ESCO1: variants seen among roughly 807,000 people sequenced by gnomAD.
ESCO1 encodes the protein establishment of sister chromatid cohesion N-acetyltransferase 1.
A neutral mutation model predicts 83.5 loss-of-function variants in ESCO1; 33 were observed. That is an observed-to-expected ratio of 0.40 (90% CI 0.30 to 0.53). ESCO1 has a LOEUF of 0.53. Ranked by LOEUF, ESCO1 falls within the 20% of genes least tolerant of loss-of-function variation. The pLI, the probability that ESCO1 is intolerant of heterozygous loss-of-function variation, is 0.63. For synonymous variants in ESCO1, 332 were observed against 324.3 expected, an observed-to-expected ratio of 1.02 and a Z score of -0.25; for missense variants, 855 against 968.0, an observed-to-expected ratio of 0.88 and a Z score of 1.55.
At chr18:21,568,181 T>A in intron 4 of ESCO1, 87 bp from the exon 5 acceptor site, 1 of 950,260 alleles carries the variant, frequency 1.1e-6, no homozygotes, top group Non-Finnish European at 1.6e-6. Context: ...CTAAAAAAAT[T>A]TAACATACTT....
chr18:21,546,388 C>A (rs987835679), intron 8 of ESCO1, among the ~76,000 whole-genome samples: 14 of 129,842 alleles, frequency 1.1e-4, no homozygotes, highest in African/African-American at 3.5e-4. Flanking sequence ...CCTGCCTCCA[C>A]CAAAAACAAA....
At chr18:21,563,396 G>A (rs2038214985) in intron 7 of ESCO1, among the ~76,000 whole-genome samples, 1 of 152,180 alleles carries the variant, frequency 6.6e-6, no homozygotes, top group South Asian at 2.1e-4. Context: ...TGCCCAGGCT[G>A]GAGTGCAATG....
At chr18:21,586,341 T>TG (rs1249263177) in intron 1 of ESCO1, among the ~76,000 whole-genome samples, 2 of 152,220 alleles carry the variant, frequency 1.3e-5, no homozygotes, top group African/African-American at 4.8e-5. Flanking sequence ...TTATCCATGT[T>TG]GCTGCAGACA....
chr18:21,578,825 G>A (rs892394718), intron 2 of ESCO1, among the ~76,000 whole-genome samples: 7 of 152,152 alleles, frequency 4.6e-5, no homozygotes, highest in Non-Finnish European at 8.8e-5. Flanking sequence ...AGCCTCCCAA[G>A]TAGCTGGAAC....
chr18:21,599,789 A>C (rs1395003647), intron 1 of ESCO1, among the ~76,000 whole-genome samples: 1 of 152,132 alleles, frequency 6.6e-6, no homozygotes, highest in Non-Finnish European at 1.5e-5. Context: ...CGGACGCATC[A>C]TTGAGAGGCG....
rs111850718 is a variant in ESCO1, at chr18:21,588,173, C to T, written c.-824-3733G>A. ...TCAGATATCAAGATTTACTATAAAA[C>T]CACGTTAATGTGTGATATTGTTTCA... On this transcript the variant is annotated intron_variant, in intron 1 of 11. Transcript: ENST00000269214. 3.3e-3 allele frequency among the ~76,000 whole-genome samples: 497 copies of T among 149,634 alleles called. 3 individuals carry two copies. The highest frequency in any genetic ancestry group is 0.012 in the African/African-American group (474 of 40,824).
chr18:21,564,685 C>G (rs376441317), intron 6 of ESCO1, among the ~76,000 whole-genome samples: 1 of 151,818 alleles, frequency 6.6e-6, no homozygotes, highest in Non-Finnish European at 1.5e-5. Context: ...CGTGAGCCAC[C>G]GCGCCCGGCA....
Position 21,574,416 on chromosome 18 carries a change from C to T in ESCO1, c.428G>A (p.Gly143Asp). 1 of 1,614,084 alleles carries T rather than the reference C, an allele frequency of 6.2e-7. No individual in the cohort carries two copies. The highest frequency in any genetic ancestry group is 1.6e-4 in the Middle Eastern group (1 of 6,062). ...ACTCTGTTTAACTGCTTGAACTTGA[C>T]CCTGAATTTCTCTACTGCGTAACGA... ...RRSLRSREIQ[G>D]QVQAVKQSLP... Residue 143 changes from glycine (G) to aspartate (D), a missense_variant, in exon 4 of 12, where the codon GGT (glycine) becomes GAT (aspartate). Around this residue, in one of 2 missense-constraint regions of ESCO1, gnomAD observed 726 missense variants for 699.5 expected, o/e 1.04. Transcript: ENST00000269214.
At chr18:21,562,260 G>A (rs1400624542) in intron 7 of ESCO1, among the ~76,000 whole-genome samples, 1 of 151,976 alleles carries the variant, frequency 6.6e-6, no homozygotes, top group Non-Finnish European at 1.5e-5. Flanking sequence ...TCTGGATCAC[G>A]AGGTCAGGAG....
chr18:21,571,850 T>C (rs574163398), intron 4 of ESCO1, among the ~76,000 whole-genome samples: 1 of 152,316 alleles, frequency 6.6e-6, no homozygotes, highest in Non-Finnish European at 1.5e-5. Context: ...TGGTAAAATC[T>C]CTCTGAACAA....
At chr18:21,579,318 C>CGTGAA (rs1330591330) in intron 2 of ESCO1, among the ~76,000 whole-genome samples, 3 of 151,982 alleles carry the variant, frequency 2.0e-5, no homozygotes, top group Non-Finnish European at 4.4e-5. Flanking sequence ...ATAAGCTGAG[C>CGTGAA]ATGGTGGCAC....
intron 4 of ESCO1, among the ~76,000 whole-genome samples, chr18:21,568,764 G>A (rs376096865): frequency 3.3e-5 from 5 of 152,088 alleles, no homozygotes; most frequent in African/African-American, 7.2e-5. Context: ...TTAGCTGGGC[G>A]TGATGGCAAG....
At chr18:21,532,376 G>T in intron 11 of ESCO1, 97 bp downstream of exon 11, 3 of 1,299,438 alleles carry the variant, frequency 2.3e-6, no homozygotes, top group African/African-American at 1.5e-5. Flanking sequence ...TACAAATAAA[G>T]ATTATACGCA....
At chr18:21,597,393 T>C (rs1162719325) in intron 1 of ESCO1, among the ~76,000 whole-genome samples, 1 of 151,860 alleles carries the variant, frequency 6.6e-6, no homozygotes, top group African/African-American at 2.4e-5. Context: ...AAGCTGGGTA[T>C]GCACACCTGT....
intron 2 of ESCO1, among the ~76,000 whole-genome samples, chr18:21,580,408 C>G (rs1422486608): frequency 6.6e-6 from 1 of 152,084 alleles, no homozygotes; most frequent in Admixed American, 6.5e-5. Context: ...GAAAATTATT[C>G]AAAATGCTGA....
In ESCO1 at chr18:21,539,851, G is replaced by GT. The variant is rs2037881341; in HGVS notation, c.2043+68dup. The GT allele has an allele frequency of 4.5e-6, 6 of 1,336,338 alleles. No homozygotes were observed. The Admixed American group carries it at 7.3e-5, about 16-fold the overall frequency. 82.8% of individuals were successfully genotyped at this position (1,336,338 alleles called of 1,614,324 possible). A position where few individuals can be genotyped will look rare whatever the true frequency, so the allele number is the denominator to read the frequency against. On this transcript the variant is annotated intron_variant, in intron 9 of 11. Coordinates refer to ENST00000269214, the MANE Select transcript of ESCO1 (RefSeq NM_052911.3). ...CGACAGAGCAAGACCCTGTCTCAGGGTAAAAAAAAAAAAAATTAACTGCAA... is the reference window on the plus strand; with the variant it reads ...CGACAGAGCAAGACCCTGTCTCAGGGTTAAAAAAAAAAAAAATTAACTGCAA...
At chr18:21,581,555 G>A (rs905875957) in intron 2 of ESCO1, among the ~76,000 whole-genome samples, 1 of 151,562 alleles carries the variant, frequency 6.6e-6, no homozygotes, top group South Asian at 2.1e-4. Flanking sequence ...AGGTTGCAAT[G>A]AGGTGAGATG....
At chr18:21,541,437 TG>T (rs1483026575) in intron 8 of ESCO1, among the ~76,000 whole-genome samples, 3 of 151,822 alleles carry the variant, frequency 2.0e-5, no homozygotes, top group African/African-American at 7.3e-5. Flanking sequence ...AAAAAATTAT[TG>T]TATTTTTAGG....
At chr18:21,594,925 CTGTGTG>C (rs35336026) in intron 1 of ESCO1, among the ~76,000 whole-genome samples, 5,072 of 143,734 alleles carry the variant, frequency 0.035, 111 homozygotes, top group Middle Eastern at 0.08. Context: ...TCTACAACTA[CTGTGTG>C]TGTGTGTGTG....
Sources: gnomAD v4.1 joint callset for allele counts (sites outside exome capture counted in the v4.1 genomes callset) on GRCh38, gnomAD v4.1.1 for gene constraint, gnomAD v4.1.1 regional missense constraint, MANE v1.5 for transcripts, NCBI Gene and HGNC (gene_info 2026-07-23, HGNC 2026-07-21) for gene names.